Variants in SLC18A1 observed in about 807,000 individuals in gnomAD.
The protein encoded by SLC18A1 is chromaffin granule amine transporter.
SLC18A1 carries 69 observed loss-of-function variants against 53.7 expected under a neutral mutation model. The ratio of observed to expected loss-of-function variants is 1.28; its 90% CI spans 1.06 to 1.57. The LOEUF (loss-of-function observed/expected upper bound fraction) is 1.57. Among genes scored for constraint, SLC18A1 ranks in the 40% most tolerant of loss-of-function variants. SLC18A1 has a pLI of 0.00. For synonymous variants in SLC18A1, 320 were observed against 248.1 expected, an observed-to-expected ratio of 1.29 and a Z score of -2.72; for missense variants, 932 against 668.1, an observed-to-expected ratio of 1.40 and a Z score of -4.35.
intron 8 of SLC18A1, among the ~76,000 whole-genome samples, chr8:20,168,190 A>C (rs2072018841): frequency 6.6e-6 from 1 of 152,056 alleles, no homozygotes; most frequent in Non-Finnish European, 1.5e-5. Context: ...CCTGGGCAAC[A>C]CAGGCAGACC....
intron 8 of SLC18A1, among the ~76,000 whole-genome samples, chr8:20,166,606 T>C (rs891651410): frequency 1.3e-5 from 2 of 151,664 alleles, no homozygotes; most frequent in African/African-American, 2.4e-5. Flanking sequence ...ACTGGAGGGA[T>C]TGACACTTTC....
chr8:20,148,428 C>T (rs548476296), intron 12 of SLC18A1: 480 of 1,289,606 alleles, frequency 3.7e-4, no homozygotes, highest in African/African-American at 2.1e-3. Context: ...AACATACACT[C>T]CTGGTCTCAT....
intron 4 of SLC18A1, 91 bp from the exon 5 acceptor site, chr8:20,174,535 T>G (rs879187482): frequency 6.5e-6 from 5 of 768,462 alleles, no homozygotes; most frequent in Non-Finnish European, 1.2e-5. Context: ...ACTGCAGATA[T>G]GAGTCTTGAT....
chr8:20,155,587 T>A (rs1251290911), intron 10 of SLC18A1, among the ~76,000 whole-genome samples: 3 of 152,192 alleles, frequency 2.0e-5, no homozygotes, highest in African/African-American at 7.2e-5. Flanking sequence ...GTTGCCCATG[T>A]GTGCACCCCT....
intron 4 of SLC18A1, among the ~76,000 whole-genome samples, chr8:20,175,015 T>C (rs1483731294): frequency 6.6e-6 from 1 of 152,246 alleles, no homozygotes. Flanking sequence ...TTATACTGAA[T>C]GCGCAGCTCT....
intron 15 of SLC18A1, among the ~76,000 whole-genome samples, chr8:20,146,386 T>C (rs2071398528): frequency 6.6e-6 from 1 of 152,106 alleles, no homozygotes; most frequent in African/African-American, 2.4e-5. Context: ...AGTATCTCAT[T>C]TGCTTTTAAC....
chr8:20,160,924 T>G (rs1441140691), intron 10 of SLC18A1, among the ~76,000 whole-genome samples: 1 of 152,134 alleles, frequency 6.6e-6, no homozygotes, highest in Non-Finnish European at 1.5e-5. Flanking sequence ...CTTTTGTGAC[T>G]AACCCACTCC....
At chr8:20,171,289 T>C (rs2072109479) in intron 7 of SLC18A1, 116 bp downstream of exon 7, 16 of 1,306,960 alleles carry the variant, frequency 1.2e-5, no homozygotes, top group Middle Eastern at 3.9e-4. Flanking sequence ...GGGCAGTCCT[T>C]GATCCATCAA....
At chr8:20,171,529 G>T in intron 6 of SLC18A1, 35 bp from the exon 7 acceptor site, 2 of 1,508,338 alleles carry the variant, frequency 1.3e-6, no homozygotes, top group Admixed American at 1.7e-5. Flanking sequence ...TTCCAGAGGT[G>T]AGGGTGAGTC....
chr8:20,160,798 C>G (rs1014805643), intron 10 of SLC18A1, among the ~76,000 whole-genome samples: 2 of 152,052 alleles, frequency 1.3e-5, no homozygotes, highest in Non-Finnish European at 2.9e-5. Flanking sequence ...TGCATGGCAC[C>G]AGCATCTGCT....
At position 20,178,870 on chromosome 8, in the gene SLC18A1, A is replaced by T. The variant is rs74947013; in HGVS notation, c.488+251T>A. Among the ~76,000 whole-genome samples the T allele has an allele frequency of 4.1e-3, 626 of 152,316 alleles. 7 individuals carry two copies. The highest frequency in any genetic ancestry group is 0.014 in the African/African-American group (598 of 41,560). ...CCATGCTCCAGGTCACTGATAGAACATCACAGCACACTGCTGTTCATGGTT... is the reference window on the plus strand; with the variant it reads ...CCATGCTCCAGGTCACTGATAGAACTTCACAGCACACTGCTGTTCATGGTT... On this transcript the variant is annotated intron_variant, in intron 3 of 15. Coordinates refer to ENST00000276373, the MANE Select transcript of SLC18A1 (RefSeq NM_003053.4).
intron 10 of SLC18A1, among the ~76,000 whole-genome samples, chr8:20,161,935 T>C (rs781147787): frequency 7.2e-5 from 11 of 152,188 alleles, no homozygotes; most frequent in Non-Finnish European, 1.2e-4. Context: ...TTCCGTGATC[T>C]TGGAAGTGGC....
intron 8 of SLC18A1, among the ~76,000 whole-genome samples, chr8:20,170,551 G>A (rs10102445): frequency 0.077 from 11,705 of 152,092 alleles, 1,190 homozygotes; most frequent in East Asian, 0.28. Flanking sequence ...TTCCAGAGCT[G>A]TTTTTGGCTT....
intron 8 of SLC18A1, among the ~76,000 whole-genome samples, chr8:20,168,061 A>G (rs2072014814): frequency 6.6e-6 from 1 of 152,182 alleles, no homozygotes; most frequent in Non-Finnish European, 1.5e-5. Flanking sequence ...ATTACTCAAA[A>G]AACAATGAAG....
chr8:20,180,081 C>G (rs1287142423), intron 2 of SLC18A1, among the ~76,000 whole-genome samples: 1 of 149,346 alleles, frequency 6.7e-6, no homozygotes, highest in South Asian at 2.1e-4. Flanking sequence ...CACGATGTAC[C>G]ACGATGTTTA....
intron 4 of SLC18A1, among the ~76,000 whole-genome samples, chr8:20,176,977 C>A (rs2072268112): frequency 6.6e-6 from 1 of 152,208 alleles, no homozygotes; most frequent in Non-Finnish European, 1.5e-5. Flanking sequence ...ATATACACTT[C>A]TGATAGCTGG....
chr8:20,148,585 G>A lies in SLC18A1; in HGVS notation c.1147-515C>T, dbSNP rs115679472. On this transcript the variant is annotated intron_variant, in intron 12 of 15. Coordinates refer to ENST00000276373, the MANE Select transcript of SLC18A1 (RefSeq NM_003053.4). The stretch of plus-strand genomic sequence containing the variant: ...AGCTGTAAGCTAGAGGGGGCAGGTG[G>A]TGTGGCTTGGGTCCCCTGTCAGGAA... 516 of 672,198 alleles carry A rather than the reference G, an allele frequency of 7.7e-4. 4 individuals carry two copies. In the African/African-American group the frequency reaches 8.3e-3, roughly 11 times the overall value. 41.6% of individuals were successfully genotyped at this position (672,198 alleles called of 1,614,324 possible).
At chr8:20,146,136 C>A (rs1358975464) in intron 15 of SLC18A1, among the ~76,000 whole-genome samples, 1 of 152,050 alleles carries the variant, frequency 6.6e-6, no homozygotes, top group East Asian at 1.9e-4. Flanking sequence ...AGAATGGTCT[C>A]GATCTCCTGA....
Position 20,171,114 on chromosome 8 carries a change from C to A in SLC18A1, c.847G>T (p.Val283Phe), listed in dbSNP as rs200353170. Residue 283 changes from valine to phenylalanine, a missense_variant, in exon 8 of 16, where the codon GTC becomes TTC. Coordinates refer to ENST00000276373, the MANE Select transcript of SLC18A1 (RefSeq NM_003053.4). Reference sequence around the variant, plus strand: ...TTGTGTCTGCTTACCTCAGGAGAGACTTTGGAAGGCTGTAGGATGCAAAGC... The same window carrying A: ...TTGTGTCTGCTTACCTCAGGAGAGAATTTGGAAGGCTGTAGGATGCAAAGC... ...LQLCILQPSK[V>F]SPESAKGTPL... is the part of the protein sequence containing the mutation. 2 of 1,614,182 alleles carry A rather than the reference C, an allele frequency of 1.2e-6. No homozygotes were observed. The highest frequency in any genetic ancestry group is 1.7e-6 in the Non-Finnish European group (2 of 1,180,024).
Sources: gnomAD v4.1 joint callset for allele counts (sites outside exome capture counted in the v4.1 genomes callset) on GRCh38, gnomAD v4.1.1 for gene constraint, MANE v1.5 for transcripts, NCBI Gene and HGNC (gene_info 2026-07-23, HGNC 2026-07-21) for gene names.